Variants in TRAF7 observed in about 807,000 individuals in gnomAD.
TRAF7 encodes E3 ubiquitin-protein ligase TRAF7.
TRAF7 carries 45 observed loss-of-function variants against 89.3 expected under a neutral mutation model. That is an observed-to-expected ratio of 0.50 (90% CI 0.40 to 0.65). TRAF7 has a LOEUF of 0.65. Among genes scored for constraint, TRAF7 ranks in the 30% least tolerant of loss-of-function variants. TRAF7 has a pLI of 0.00. For synonymous variants in TRAF7, 406 were observed against 369.2 expected (o/e 1.10, Z -1.14); for missense variants, 677 against 918.1 (o/e 0.74, Z 3.39).
intron 17 of TRAF7, 60 bp from the exon 18 acceptor site, chr16:2,175,774 G>T: frequency 6.2e-7 from 1 of 1,603,814 alleles, no homozygotes; most frequent in Non-Finnish European, 8.5e-7. Flanking sequence ...CCCTGGGGGT[G>T]CGGGGGCCCT....
intron 7 of TRAF7, 96 bp from the exon 8 acceptor site, chr16:2,172,095 T>G: frequency 6.8e-7 from 1 of 1,480,892 alleles, no homozygotes; most frequent in Admixed American, 1.9e-5. Flanking sequence ...GAGGCGCAGA[T>G]GGACAGATCT....
At position 2,162,832 on chromosome 16, in the gene TRAF7, G is replaced by C. The variant is rs1381799206; in HGVS notation, c.-38-1051G>C. ...GAGCTCAGCTTCAAGCCGGGGCTCG[G>C]CTGCGCTATCCGCTGCCAGCAGGAG... On this transcript the variant is annotated intron_variant, in intron 1 of 20. Transcript: ENST00000326181. The surrounding 1 kb of genome is among the most constrained non-coding windows in gnomAD (Gnocchi z 5.0). Among the ~76,000 whole-genome samples, 3 of 152,084 alleles carry C rather than the reference G, an allele frequency of 2.0e-5. No individual in the cohort carries two copies. The highest frequency in any genetic ancestry group is 2.1e-4 in the South Asian group (1 of 4,830).
chr16:2,166,433 G>A (rs900681957), intron 3 of TRAF7, among the ~76,000 whole-genome samples: 3 of 152,082 alleles, frequency 2.0e-5, no homozygotes, highest in African/African-American at 7.2e-5. Context: ...TTTTTGAGAC[G>A]GGTGTCACTC....
In TRAF7 at chr16:2,177,036, G is replaced by A. The variant is rs2093140196; in HGVS notation, c.*462G>A. On this transcript the variant is annotated 3_prime_UTR_variant, in exon 21 of 21. Coordinates refer to ENST00000326181, the MANE Select transcript of TRAF7 (RefSeq NM_032271.3). ...GCTGCTGTGAGTGGGGGGGCATGGG[G>A]CAGTTTCCTTTGGTGGACCCCAGGA... 1.3e-5 allele frequency: 4 copies of A among 317,708 alleles called. No homozygotes were observed. Among genetic ancestry groups the A allele is most frequent in the Non-Finnish European group, 2.4e-5 (4 of 168,168 alleles). The allele number at this position is 317,708 out of a possible 1,614,324, so 19.7% of individuals were successfully genotyped here.
intron 1 of TRAF7, among the ~76,000 whole-genome samples, chr16:2,156,604 T>G (rs974395327): frequency 5.3e-5 from 8 of 151,726 alleles, no homozygotes; most frequent in Non-Finnish European, 8.8e-5. Flanking sequence ...AGGAGGAGCA[T>G]TCCAAGTAGA....
intron 2 of TRAF7, among the ~76,000 whole-genome samples, chr16:2,165,291 G>A (rs201702655): frequency 5.1e-4 from 68 of 132,924 alleles, no homozygotes; most frequent in East Asian, 3.7e-3. Context: ...TGCGTGGCGC[G>A]GCCTGGTCGC....
rs934197628 is a variant in TRAF7 at position 2,178,065 on chromosome 16, T to C, written c.*1491T>C. ...AATATATATTTGTTAAAGTTATACC[T>C]TTTTGTTTCTCTGGGGAAATCCGCC... On this transcript the variant is annotated 3_prime_UTR_variant, in exon 21 of 21. Coordinates refer to ENST00000326181, the MANE Select transcript of TRAF7 (RefSeq NM_032271.3). 4.1e-5 allele frequency: 20 copies of C among 484,696 alleles called. No homozygotes were observed. The Admixed American group carries it at 5.1e-4, about 12-fold the overall frequency. The allele number at this position is 484,696 out of a possible 1,614,324, so 30.0% of individuals were successfully genotyped here.
chr16:2,175,699 T>A lies in TRAF7; in HGVS notation c.1626+77T>A, dbSNP rs1223739987. On this transcript the variant is annotated intron_variant, in intron 17 of 20. Coordinates refer to ENST00000326181, the MANE Select transcript of TRAF7 (RefSeq NM_032271.3). ...TCCCAGGCCAGCACCTGGGGCTCCA[T>A]CTGCCCTGTTCCTACCTTCGCACAT... 5 of 1,589,056 alleles carry A rather than the reference T, an allele frequency of 3.1e-6. No homozygotes were observed. In the African/African-American group the frequency reaches 6.7e-5, roughly 21 times the overall value.
At chr16:2,170,568 T>C in intron 4 of TRAF7, 46 bp from the exon 5 acceptor site, 1 of 1,482,870 alleles carries the variant, frequency 6.7e-7, no homozygotes. Flanking sequence ...CCCGAGGCTC[T>C]GACCCCGTGC....
intron 2 of TRAF7, among the ~76,000 whole-genome samples, chr16:2,165,250 G>A (rs1263828357): frequency 2.0e-4 from 27 of 135,224 alleles, no homozygotes; most frequent in East Asian, 9.2e-4. Flanking sequence ...TACGTGGCGC[G>A]GCCTGGTCGC....
chr16:2,175,813 C>G (rs1171147766), intron 17 of TRAF7, 21 bp from the exon 18 acceptor site: 10 of 1,611,250 alleles, frequency 6.2e-6, no homozygotes, highest in East Asian at 2.2e-5. Context: ...CTGGGACCAA[C>G]TGGCCCACGA....
chr16:2,176,771 C>T lies in TRAF7; in HGVS notation c.*197C>T. 1 of 776,990 alleles carries T rather than the reference C, an allele frequency of 1.3e-6. No individual in the cohort carries two copies. Among genetic ancestry groups the T allele is most frequent in the Non-Finnish European group, 2.1e-6 (1 of 474,792 alleles). 48.1% of individuals were successfully genotyped at this position (776,990 alleles called of 1,614,324 possible). ...CTCGGCACTGTCCTTGCTGCCCAGC[C>T]CCTCTCTGGGTGCCAGGTACGACGC... On this transcript the variant is annotated 3_prime_UTR_variant, in exon 21 of 21. Transcript: ENST00000326181.
chr16:2,164,036 C>T (rs1259452533), intron 2 of TRAF7, 35 bp downstream of exon 2: 12 of 1,567,352 alleles, frequency 7.7e-6, no homozygotes, highest in Non-Finnish European at 9.6e-6. Context: ...CCAACATCCC[C>T]AGGACCCCCA....
At chr16:2,174,085 T>C (rs1201555835) in intron 13 of TRAF7, 37 bp downstream of exon 13, 1 of 1,609,892 alleles carries the variant, frequency 6.2e-7, no homozygotes, top group Admixed American at 1.7e-5. Flanking sequence ...GCAGCCTGGC[T>C]GGGCTGGGCA....
intron 2 of TRAF7, 134 bp downstream of exon 2, chr16:2,164,135 GT>G (rs1262873446): frequency 6.5e-4 from 436 of 667,976 alleles, no homozygotes; most frequent in Middle Eastern, 2.8e-3. Context: ...GTGGGGGGGG[GT>G]GTGGTGTGTG....
intron 5 of TRAF7, among the ~76,000 whole-genome samples, chr16:2,171,026 G>A (rs373594512): frequency 1.2e-4 from 18 of 152,306 alleles, no homozygotes; most frequent in Non-Finnish European, 2.2e-4. Flanking sequence ...GGGCGAGGGC[G>A]GCCAAGGCTG....
Position 2,168,016 on chromosome 16 carries a change from C to G in TRAF7, c.140-61C>G. ...CAGGGTCGGGTATCCAGCATGGGCC[C>G]CACCTCCCCCACATCTGCTGAGGGA... On this transcript the variant is annotated intron_variant, in intron 3 of 20. Transcript: ENST00000326181. The surrounding 1 kb of genome is among the most constrained non-coding windows in gnomAD (Gnocchi z 4.1). 1 of 1,523,822 alleles carries G rather than the reference C, an allele frequency of 6.6e-7. No individual in the cohort carries two copies. The highest frequency in any genetic ancestry group is 1.1e-5 in the South Asian group (1 of 88,636). 94.4% of individuals were successfully genotyped at this position (1,523,822 alleles called of 1,614,324 possible). A position where few individuals can be genotyped will look rare whatever the true frequency, so the allele number is the denominator to read the frequency against.
chr16:2,165,496 A>G (rs1424069297), intron 2 of TRAF7, among the ~76,000 whole-genome samples: 28 of 63,316 alleles, frequency 4.4e-4, no homozygotes, highest in South Asian at 1.2e-3. Flanking sequence ...TGTGTGGCGC[A>G]GCCTGGTCGC....
chr16:2,176,026 C>T (rs555319623), intron 18 of TRAF7, 23 bp from the exon 19 acceptor site: 1 of 1,608,278 alleles, frequency 6.2e-7, no homozygotes, highest in Non-Finnish European at 8.5e-7. Flanking sequence ...TGTCTTTGAC[C>T]TGCCTGTGCC....
Sources: allele counts gnomAD v4.1 joint callset (sites outside exome capture counted in the v4.1 genomes callset), GRCh38; gene constraint gnomAD v4.1.1; non-coding constraint Gnocchi (gnomAD v3.1); transcripts MANE v1.5; gene names NCBI Gene and HGNC (gene_info 2026-07-23, HGNC 2026-07-21).